The following INPP4B variants were observed in gnomAD, a reference collection of about 807,000 sequenced individuals.
The protein encoded by INPP4B is inositol polyphosphate 4-phosphatase type II.
Under a neutral mutation model 122.5 loss-of-function variants are expected in INPP4B, and 55 were observed. The observed-to-expected ratio is 0.45, with a 90% CI of 0.36 to 0.56. INPP4B has a LOEUF of 0.56. Ranked by LOEUF, INPP4B falls within the 20% of genes least tolerant of loss-of-function variation. The pLI, the probability that INPP4B is intolerant of heterozygous loss-of-function variation, is 0.00. For synonymous variants in INPP4B, 403 were observed against 388.7 expected, an observed-to-expected ratio of 1.04 and a Z score of -0.43; for missense variants, 1,000 against 1,097.7, an observed-to-expected ratio of 0.91 and a Z score of 1.26.
chr4:142,238,427 G>A (rs1048125047), intron 11 of INPP4B, among the ~76,000 whole-genome samples: 6 of 151,912 alleles, frequency 3.9e-5, no homozygotes, highest in Admixed American at 1.3e-4. Flanking sequence ...TATATACTTT[G>A]AACAAATATA....
intron 7 of INPP4B, among the ~76,000 whole-genome samples, chr4:142,324,525 A>G (rs1771605048): frequency 6.6e-6 from 1 of 152,184 alleles, no homozygotes; most frequent in African/African-American, 2.4e-5. Flanking sequence ...TGGACTCCAA[A>G]ACTGTCATTC....
At chr4:142,829,465 C>A (rs1185150088) in intron 1 of INPP4B, among the ~76,000 whole-genome samples, 1 of 152,178 alleles carries the variant, frequency 6.6e-6, no homozygotes, top group Admixed American at 6.6e-5. Context: ...ACCTGCTCCA[C>A]AAAGCCTCCC....
rs57430432 is a variant in INPP4B, at chr4:142,294,829, C to CAAAAAAAAAAAAAAAAAAAAAAAAAAAAA, written c.503+10628_503+10629insTTTTTTTTTTTTTTTTTTTTTTTTTTTTT. Among the ~76,000 whole-genome samples the CAAAAAAAAAAAAAAAAAAAAAAAAAAAAA allele has an allele frequency of 3.2e-4, 9 of 28,476 alleles. 2 individuals carry two copies. The highest frequency in any genetic ancestry group is 6.8e-4 in the Admixed American group (1 of 1,472). The allele number at this position is 28,476 out of a possible 152,430, so 18.7% of individuals were successfully genotyped here. A position where few individuals can be genotyped will look rare whatever the true frequency, so the allele number is the denominator to read the frequency against. On this transcript the variant is annotated intron_variant, in intron 9 of 25. Transcript: ENST00000262992. The stretch of plus-strand genomic sequence containing the variant: ...CGGGCGACAGAGCGAGACTCCGTCT[C>CAAAAAAAAAAAAAAAAAAAAAAAAAAAAA]AAAAAAAAAAAAAAAAAAAAAAAAA...
intron 2 of INPP4B, among the ~76,000 whole-genome samples, chr4:142,523,409 G>A (rs1268801643): frequency 6.6e-6 from 1 of 152,078 alleles, no homozygotes; most frequent in African/African-American, 2.4e-5. Context: ...CACTTGTCAT[G>A]CAAAGGGCTG....
At chr4:142,092,317 G>A (rs1779925293) in intron 23 of INPP4B, among the ~76,000 whole-genome samples, 2 of 152,084 alleles carry the variant, frequency 1.3e-5, no homozygotes, top group Non-Finnish European at 2.9e-5. Context: ...TTGAGACAGA[G>A]TCTTACTTTA....
At chr4:142,157,874 G>A (rs560290545) in intron 17 of INPP4B, among the ~76,000 whole-genome samples, 23 of 151,964 alleles carry the variant, frequency 1.5e-4, no homozygotes, top group African/African-American at 4.1e-4. Flanking sequence ...AGTCCTCCCC[G>A]TCTTTTTCTC....
At chr4:142,186,158 A>AT (rs1487074021) in intron 15 of INPP4B, among the ~76,000 whole-genome samples, 13 of 152,174 alleles carry the variant, frequency 8.5e-5, no homozygotes, top group South Asian at 2.1e-4. Flanking sequence ...CTGCCTAAAC[A>AT]TTTTTTGTGG....
At chr4:142,166,153 T>G (rs1397154723) in intron 16 of INPP4B, among the ~76,000 whole-genome samples, 1 of 151,764 alleles carries the variant, frequency 6.6e-6, no homozygotes, top group Non-Finnish European at 1.5e-5. Context: ...TTTCTCCCAA[T>G]TCATGACTTC....
chr4:142,043,414 C>G (rs1749372372), intron 25 of INPP4B, among the ~76,000 whole-genome samples: 1 of 152,146 alleles, frequency 6.6e-6, no homozygotes, highest in Non-Finnish European at 1.5e-5. Context: ...TTATATATAT[C>G]ATCATTCATT....
intron 12 of INPP4B, among the ~76,000 whole-genome samples, chr4:142,234,671 C>T (rs1855915828): frequency 6.6e-6 from 1 of 152,200 alleles, no homozygotes; most frequent in South Asian, 2.1e-4. Flanking sequence ...GCCTGGTCAT[C>T]ATAGACCCTG....
intron 1 of INPP4B, among the ~76,000 whole-genome samples, chr4:142,751,631 T>C (rs933462681): frequency 2.6e-5 from 4 of 152,188 alleles, no homozygotes; most frequent in Non-Finnish European, 5.9e-5. Flanking sequence ...TATGCCATGC[T>C]CTATTCAATA....
At chr4:142,254,206 A>G (rs1003079747) in intron 11 of INPP4B, among the ~76,000 whole-genome samples, 1 of 152,196 alleles carries the variant, frequency 6.6e-6, no homozygotes, top group Admixed American at 6.5e-5. Context: ...CCATTGGTAC[A>G]TCACCATCTT....
intron 1 of INPP4B, among the ~76,000 whole-genome samples, chr4:142,729,940 CT>C (rs1765843713): frequency 6.7e-6 from 1 of 149,718 alleles, no homozygotes. Context: ...CATCTTTGGT[CT>C]TTGAATTAAT....
At chr4:142,558,598 CAGTGGGTTAACACA>C (rs1729721116) in intron 2 of INPP4B, among the ~76,000 whole-genome samples, 10 of 151,576 alleles carry the variant, frequency 6.6e-5, no homozygotes, top group Admixed American at 6.6e-4. Flanking sequence ...CTGGAAATCT[CAGTGGGTTAACACA>C]AGATACATTT....
chr4:142,845,128 C>G (rs192581548), intron 1 of INPP4B, among the ~76,000 whole-genome samples: 95 of 152,128 alleles, frequency 6.2e-4, no homozygotes, highest in African/African-American at 2.2e-3. Flanking sequence ...AAAACCCTAC[C>G]GGGTTTTTCC....
At chr4:142,389,530 G>C (rs1344363915) in intron 7 of INPP4B, among the ~76,000 whole-genome samples, 2 of 152,188 alleles carry the variant, frequency 1.3e-5, no homozygotes, top group Non-Finnish European at 2.9e-5. Flanking sequence ...AAATTAAGCA[G>C]ATCAGATATT....
intron 2 of INPP4B, among the ~76,000 whole-genome samples, chr4:142,696,326 T>G (rs573356973): frequency 1.3e-5 from 2 of 152,098 alleles, no homozygotes; most frequent in Non-Finnish European, 2.9e-5. Context: ...GAGATCCTCA[T>G]GCAACAACCC....
At chr4:142,071,599 C>T (rs1459185286) in intron 25 of INPP4B, among the ~76,000 whole-genome samples, 1 of 152,058 alleles carries the variant, frequency 6.6e-6, no homozygotes, top group Non-Finnish European at 1.5e-5. Context: ...TGACAAAGGG[C>T]TAATATCCAG....
intron 1 of INPP4B, among the ~76,000 whole-genome samples, chr4:142,762,019 G>C (rs1215178810): frequency 6.6e-6 from 1 of 152,104 alleles, no homozygotes; most frequent in Non-Finnish European, 1.5e-5. Context: ...AGAAAAATGT[G>C]TTGCATAACT....
Sources: gnomAD v4.1 joint callset for allele counts (sites outside exome capture counted in the v4.1 genomes callset) on GRCh38, gnomAD v4.1.1 for gene constraint, MANE v1.5 for transcripts, NCBI Gene and HGNC (gene_info 2026-07-23, HGNC 2026-07-21) for gene names.